The following LMO7 variants were observed in gnomAD, a reference collection of about 807,000 sequenced individuals.
LMO7 encodes LIM domain only protein 7.
A neutral mutation model predicts 206.5 loss-of-function variants in LMO7; 120 were observed. The ratio of observed to expected loss-of-function variants is 0.58; its 90% CI spans 0.50 to 0.68. The LOEUF (loss-of-function observed/expected upper bound fraction) is 0.68. Ranked by LOEUF, LMO7 falls within the 30% of genes least tolerant of loss-of-function variation. The pLI, the probability that LMO7 is intolerant of heterozygous loss-of-function variation, is 0.00. For synonymous variants in LMO7, 706 were observed against 681.5 expected, an observed-to-expected ratio of 1.04 and a Z score of -0.56; for missense variants, 1,959 against 1,957.9, an observed-to-expected ratio of 1.00 and a Z score of -0.01.
At chr13:75,749,564 A>G (rs2047113924) in intron 3 of LMO7, among the ~76,000 whole-genome samples, 2 of 152,178 alleles carry the variant, frequency 1.3e-5, no homozygotes, top group African/African-American at 4.8e-5. Flanking sequence ...AGCCTTTACC[A>G]GAACGCTCAG....
intron 8 of LMO7, 169 bp downstream of exon 8, chr13:75,804,710 C>A: frequency 9.5e-7 from 1 of 1,055,820 alleles, no homozygotes; most frequent in South Asian, 2.1e-5. Context: ...ATCTTGAAGC[C>A]ATTTCTTCTG....
At chr13:75,700,958 C>T (rs2042246146) in intron 1 of LMO7, among the ~76,000 whole-genome samples, 1 of 152,192 alleles carries the variant, frequency 6.6e-6, no homozygotes, top group South Asian at 2.1e-4. Flanking sequence ...TACTTCATTC[C>T]AGTGATTGCT....
intron 15 of LMO7, among the ~76,000 whole-genome samples, chr13:75,827,112 C>T (rs1436651185): frequency 1.3e-5 from 2 of 152,158 alleles, no homozygotes; most frequent in Non-Finnish European, 2.9e-5. Context: ...CATAGTGTTA[C>T]GTGTTCCTCT....
At chr13:75,720,968 C>T (rs528319257) in intron 2 of LMO7, among the ~76,000 whole-genome samples, 1 of 152,038 alleles carries the variant, frequency 6.6e-6, no homozygotes, top group African/African-American at 2.4e-5. Context: ...TACTCATGGA[C>T]ATGTGATTAC....
intron 3 of LMO7, among the ~76,000 whole-genome samples, chr13:75,749,872 T>C (rs2047135821): frequency 6.6e-6 from 1 of 151,186 alleles, no homozygotes; most frequent in East Asian, 1.9e-4. Flanking sequence ...CAAGGAAAAA[T>C]TTTAAAAAAT....
intron 1 of LMO7, among the ~76,000 whole-genome samples, chr13:75,701,173 C>T (rs1335149564): frequency 6.6e-6 from 1 of 151,346 alleles, no homozygotes; most frequent in Non-Finnish European, 1.5e-5. Context: ...ATGTAGTGAC[C>T]TTTTTGCTTC....
chr13:75,659,453 A>G (rs2038364939), intron 1 of LMO7, among the ~76,000 whole-genome samples: 1 of 152,226 alleles, frequency 6.6e-6, no homozygotes, highest in African/African-American at 2.4e-5. Flanking sequence ...ACAGTTCCAC[A>G]TGGCTGGAGA....
exon 1 of LMO7, chr13:75,621,522 A>T: frequency 2.6e-6 from 1 of 384,250 alleles, no homozygotes; most frequent in Non-Finnish European, 4.6e-6. Flanking sequence ...AATCTAAATC[A>T]CCCTGAGCAA....
At chr13:75,850,805 A>C (rs1595533594) in intron 27 of LMO7, among the ~76,000 whole-genome samples, 1 of 150,586 alleles carries the variant, frequency 6.6e-6, no homozygotes, top group South Asian at 2.1e-4. Context: ...TCTGCCACAC[A>C]TTCTTTTTTT....
In LMO7 at chr13:75,849,261, G is replaced by C. The variant is rs1430362724; in HGVS notation, c.4333G>C (p.Glu1445Gln). ...ACAGCGCAGTGCCAGTGTCAACAAA[G>C]AGCCTGTTAGTCTTCCTGGGATCAT... ...IRQRSASVNK[E>Q]PVSLPGIMRR... The change falls in exon 27 of 31, where the codon GAG becomes CAG. Residue 1445 changes from glutamate (E) to glutamine (Q), a missense_variant. Coordinates refer to ENST00000377534, the MANE Select transcript of LMO7 (RefSeq NM_001306080.2). 6.2e-7 allele frequency: 1 copy of C among 1,613,974 alleles called. No homozygotes were observed. Among genetic ancestry groups the C allele is most frequent in the East Asian group, 2.2e-5 (1 of 44,866 alleles).
chr13:75,827,174 C>T (rs546031710), intron 15 of LMO7, among the ~76,000 whole-genome samples: 5 of 152,266 alleles, frequency 3.3e-5, no homozygotes, highest in Admixed American at 6.5e-5. Context: ...TTAAGTTTTA[C>T]GGACTTGAAC....
In LMO7 at chr13:75,659,346, G is replaced by A. The variant is rs1594111083; in HGVS notation, c.69+22620G>A. Reference sequence around the variant, plus strand: ...AATGTGGTGAAATACAGTGGCAGATGTTATCATATTAAGCTACTCTTGTGT... The same window carrying A: ...AATGTGGTGAAATACAGTGGCAGATATTATCATATTAAGCTACTCTTGTGT... On this transcript the variant is annotated intron_variant, in intron 1 of 30. Transcript: ENST00000377534. 3.3e-5 allele frequency among the ~76,000 whole-genome samples: 5 copies of A among 152,286 alleles called. No homozygotes were observed. The South Asian group carries it at 1.0e-3, about 32-fold the overall frequency.
At chr13:75,760,896 C>T (rs775888387) in intron 3 of LMO7, 36 bp from the exon 4 acceptor site, 7 of 1,611,010 alleles carry the variant, frequency 4.3e-6, no homozygotes, top group Non-Finnish European at 5.9e-6. Flanking sequence ...TGAGAGAGAG[C>T]TCAGCTAAGC....
intron 2 of LMO7, among the ~76,000 whole-genome samples, chr13:75,625,932 G>A (rs1256148848): frequency 6.6e-6 from 1 of 152,180 alleles, no homozygotes; most frequent in African/African-American, 2.4e-5. Flanking sequence ...TGGTACACAC[G>A]AAGATTTCAA....
At chr13:75,709,209 T>G (rs968354609) in intron 1 of LMO7, among the ~76,000 whole-genome samples, 5 of 152,254 alleles carry the variant, frequency 3.3e-5, no homozygotes, top group Admixed American at 2.0e-4. Context: ...GTTGGACATT[T>G]GGCTTGGTTC....
chr13:75,630,581 G>C (rs191163521), intron 2 of LMO7, among the ~76,000 whole-genome samples: 39 of 152,250 alleles, frequency 2.6e-4, no homozygotes, highest in Non-Finnish European at 4.3e-4. Context: ...GGCTGAGGTG[G>C]GAGGATCACT....
intron 1 of LMO7, among the ~76,000 whole-genome samples, chr13:75,689,906 GTCAATAC>G (rs1389999934): frequency 6.6e-6 from 1 of 152,110 alleles, no homozygotes; most frequent in African/African-American, 2.4e-5. Context: ...GATCCTGTGA[GTCAATAC>G]TCCTTATTAA....
At chr13:75,682,069 C>T (rs1406941596) in intron 1 of LMO7, among the ~76,000 whole-genome samples, 2 of 152,100 alleles carry the variant, frequency 1.3e-5, no homozygotes, top group Admixed American at 6.5e-5. Flanking sequence ...GAACTGCTTT[C>T]CACATTGGCC....
chr13:75,765,368 C>T (rs1594808234), intron 4 of LMO7, among the ~76,000 whole-genome samples: 1 of 137,760 alleles, frequency 7.3e-6, no homozygotes, highest in African/African-American at 2.7e-5. Context: ...TCAACATCTT[C>T]ATCTTTTTTT....
Sources: gnomAD v4.1 joint callset for allele counts (sites outside exome capture counted in the v4.1 genomes callset) on GRCh38, gnomAD v4.1.1 for gene constraint, MANE v1.5 for transcripts, NCBI Gene and HGNC (gene_info 2026-07-23, HGNC 2026-07-21) for gene names.